Variants in ETV5 observed in about 807,000 individuals in gnomAD.
ETV5 encodes the protein ETS translocation variant 5.
A neutral mutation model predicts 70.0 loss-of-function variants in ETV5; 10 were observed. The ratio of observed to expected loss-of-function variants is 0.14; its 90% CI spans 0.09 to 0.24. ETV5 has a LOEUF of 0.24. Ranked by LOEUF, ETV5 falls within the 10% of genes least tolerant of loss-of-function variation. The pLI is 1.00. For synonymous variants in ETV5, 216 were observed against 242.2 expected, an observed-to-expected ratio of 0.89 and a Z score of 1.01; for missense variants, 453 against 651.2, an observed-to-expected ratio of 0.70 and a Z score of 3.31.
At chr3:186,089,827 A>C (rs1714139590) in intron 5 of ETV5, among the ~76,000 whole-genome samples, 1 of 152,262 alleles carries the variant, frequency 6.6e-6, no homozygotes, top group African/African-American at 2.4e-5. Context: ...TCCTAGATCA[A>C]AACCATTATC....
chr3:186,106,735 AC>A (rs761517143), intron 1 of ETV5, among the ~76,000 whole-genome samples: 2 of 151,902 alleles, frequency 1.3e-5, no homozygotes, highest in African/African-American at 4.8e-5. Flanking sequence ...TTCTAGACAT[AC>A]CCCCCCACCC....
intron 6 of ETV5, among the ~76,000 whole-genome samples, chr3:186,080,327 G>T: frequency 6.6e-6 from 1 of 151,976 alleles, no homozygotes; most frequent in East Asian, 1.9e-4. Flanking sequence ...TTTTTCTCAA[G>T]GATAATTTTA....
intron 5 of ETV5, among the ~76,000 whole-genome samples, chr3:186,090,662 C>A (rs1490586234): frequency 6.6e-6 from 1 of 152,180 alleles, no homozygotes; most frequent in Non-Finnish European, 1.5e-5. Context: ...ATTTCATCCC[C>A]AGGGTCCTCC....
intron 9 of ETV5, among the ~76,000 whole-genome samples, chr3:186,060,312 T>C (rs1324490244): frequency 6.6e-6 from 1 of 152,218 alleles, no homozygotes; most frequent in Non-Finnish European, 1.5e-5. Context: ...GAAGTATCAC[T>C]GCGGTGTATC....
At chr3:186,071,260 A>G (rs1472603353) in intron 7 of ETV5, among the ~76,000 whole-genome samples, 1 of 152,230 alleles carries the variant, frequency 6.6e-6, no homozygotes, top group African/African-American at 2.4e-5. Context: ...TGCCAGGTGA[A>G]GCAGTGGCCG....
At position 186,095,932 on chromosome 3, in the gene ETV5, C is replaced by T. The variant is rs375088594; in HGVS notation, c.232+9373G>A. Among the ~76,000 whole-genome samples the T allele has an allele frequency of 2.8e-4, 42 of 152,260 alleles. 1 individual carries two copies. The highest frequency in any genetic ancestry group is 7.7e-4 in the East Asian group (4 of 5,178). On this transcript the variant is annotated intron_variant, in intron 5 of 12. Transcript: ENST00000306376. ...CTGTATGCACCAGGTGTCCACAGTG[C>T]GCAGAGCAGGCGCTGTGGCCGAGGC...
intron 7 of ETV5, among the ~76,000 whole-genome samples, chr3:186,074,946 A>C (rs1713745307): frequency 6.6e-6 from 1 of 151,952 alleles, no homozygotes; most frequent in Admixed American, 6.6e-5. Flanking sequence ...AGTGTAACTC[A>C]CCATATTAAG....
intron 5 of ETV5, among the ~76,000 whole-genome samples, chr3:186,094,390 A>G (rs1714255208): frequency 6.6e-6 from 1 of 152,138 alleles, no homozygotes; most frequent in East Asian, 1.9e-4. Context: ...CAAACAGAAA[A>G]CCTCTGTTAT....
At chr3:186,089,488 C>G (rs1303283728) in intron 5 of ETV5, among the ~76,000 whole-genome samples, 1 of 152,204 alleles carries the variant, frequency 6.6e-6, no homozygotes, top group Non-Finnish European at 1.5e-5. Context: ...GCCCTCTCCT[C>G]AAACATGCAC....
chr3:186,105,604 A>C lies in ETV5; in HGVS notation c.133+21T>G. 1 of 1,614,020 alleles carries C rather than the reference A, an allele frequency of 6.2e-7. No homozygotes were observed. The highest frequency in any genetic ancestry group is 8.5e-7 in the Non-Finnish European group (1 of 1,179,832). Reference sequence around the variant, plus strand: ...ACTGGGAGCAGGGAAGCCACAACATAATCAGGGAAAGCTTTACTACCTTCA... The same window carrying C: ...ACTGGGAGCAGGGAAGCCACAACATCATCAGGGAAAGCTTTACTACCTTCA... On this transcript the variant is annotated intron_variant, in intron 3 of 12. Coordinates refer to ENST00000306376, the MANE Select transcript of ETV5 (RefSeq NM_004454.3). The surrounding 1 kb of genome is among the most constrained non-coding windows in gnomAD (Gnocchi z 4.5).
chr3:186,079,858 C>T lies in ETV5; in HGVS notation c.609G>A (p.Met203Ile). Residue 203 changes from methionine (M) to isoleucine (I), a missense_variant, in exon 7 of 13, where the codon ATG becomes ATA. Physicochemically the swap from Met to Ile is conservative, Grantham distance 10. Transcript: ENST00000306376. ...VPRPPHQPLQMPKMMPENQYP... is the reference protein window; with the variant it reads ...VPRPPHQPLQIPKMMPENQYP... Reference sequence around the variant, plus strand: ...ACTGGTTTTCAGGCATCATCTTTGGCATCTGCAGGGGCTGATGTGGTGGTC... The same window carrying T: ...ACTGGTTTTCAGGCATCATCTTTGGTATCTGCAGGGGCTGATGTGGTGGTC... The T allele has an allele frequency of 6.2e-7, 1 of 1,608,744 alleles. No individual in the cohort carries two copies. Among genetic ancestry groups the T allele is most frequent in the Non-Finnish European group, 8.5e-7 (1 of 1,177,970 alleles).
At chr3:186,093,014 T>G (rs1714218653) in intron 5 of ETV5, among the ~76,000 whole-genome samples, 1 of 152,216 alleles carries the variant, frequency 6.6e-6, no homozygotes, top group African/African-American at 2.4e-5. Context: ...GTCAAGTGTT[T>G]GTATAAGACC....
intron 9 of ETV5, among the ~76,000 whole-genome samples, chr3:186,058,825 C>A (rs1344226459): frequency 1.3e-5 from 2 of 151,892 alleles, no homozygotes; most frequent in South Asian, 2.1e-4. Context: ...ACCAGCCTGG[C>A]CAACATGGTG....
chr3:186,077,501 A>T (rs570686584), intron 7 of ETV5, among the ~76,000 whole-genome samples: 12 of 152,192 alleles, frequency 7.9e-5, no homozygotes, highest in Non-Finnish European at 1.8e-4. Context: ...TGTCACATAG[A>T]TATCACGTGG....
chr3:186,108,513 C>T lies in ETV5; in HGVS notation c.-75+427G>A, dbSNP rs879187786. On this transcript the variant is annotated intron_variant, in intron 1 of 12. Transcript: ENST00000306376. The stretch of plus-strand genomic sequence containing the variant: ...GGGGCAGCGCCTCTCAGACATTCCC[C>T]TCAAACTGCTTCCCGCCCCCTCCTC... The T allele has an allele frequency of 5.4e-6, 7 of 1,287,900 alleles. No individual in the cohort carries two copies. The South Asian group carries it at 8.6e-5, about 16-fold the overall frequency. The allele number at this position is 1,287,900 out of a possible 1,614,324, so 79.8% of individuals were successfully genotyped here. A position where few individuals can be genotyped will look rare whatever the true frequency, so the allele number is the denominator to read the frequency against.
At chr3:186,060,440 A>G (rs1370212640) in intron 9 of ETV5, among the ~76,000 whole-genome samples, 1 of 152,362 alleles carries the variant, frequency 6.6e-6, no homozygotes, top group East Asian at 1.9e-4. Flanking sequence ...TTGTGGCCAC[A>G]ATCATCTAAT....
In ETV5 at chr3:186,057,520, G is replaced by C. The variant is rs376436406; in HGVS notation, c.971-29C>G. On this transcript the variant is annotated intron_variant, in intron 9 of 12. Transcript: ENST00000306376. This position sits in a 1 kb window ranked among gnomAD's most constrained non-coding sequence, Gnocchi z 4.9. ...AAAGAGAATTTAAAAGAAAGACTAC[G>C]TTGCTTAACAAATTCTGTGTTGTAC... is the stretch of plus-strand genomic sequence containing the variant. 1 of 1,564,478 alleles carries C rather than the reference G, an allele frequency of 6.4e-7. No individual in the cohort carries two copies. The highest frequency in any genetic ancestry group is 8.8e-7 in the Non-Finnish European group (1 of 1,135,050).
intron 7 of ETV5, among the ~76,000 whole-genome samples, chr3:186,078,553 T>G (rs904806396): frequency 6.6e-6 from 1 of 152,110 alleles, no homozygotes; most frequent in African/African-American, 2.4e-5. Flanking sequence ...AGTCTACAAT[T>G]TTTACATAAA....
Position 186,047,050 on chromosome 3 carries a change from G to GT in ETV5, c.*1588dup. The GT allele has an allele frequency of 4.4e-6, 1 of 227,896 alleles. No individual in the cohort carries two copies. The highest frequency in any genetic ancestry group is 8.7e-6 in the Non-Finnish European group (1 of 114,362). 14.1% of individuals were successfully genotyped at this position (227,896 alleles called of 1,614,324 possible). A position where few individuals can be genotyped will look rare whatever the true frequency, so the allele number is the denominator to read the frequency against. On this transcript the variant is annotated 3_prime_UTR_variant, in exon 13 of 13. Coordinates refer to ENST00000306376, the MANE Select transcript of ETV5 (RefSeq NM_004454.3). ...TGAATAGAAAAGCAGTTCAAAGCAC[G>GT]TGTCTCACACTCACGGAGTCAGCAC...
Sources: gnomAD v4.1 joint callset for allele counts (sites outside exome capture counted in the v4.1 genomes callset) on GRCh38, gnomAD v4.1.1 for gene constraint, Gnocchi (gnomAD v3.1) non-coding constraint, MANE v1.5 for transcripts, NCBI Gene and HGNC (gene_info 2026-07-23, HGNC 2026-07-21) for gene names.